The following ARK2C variants were observed in gnomAD, a reference collection of about 807,000 sequenced individuals.
ARK2C encodes E3 ubiquitin-protein ligase ARK2C.
chr18:46,351,312 G>T, the ARK2C span, among the ~76,000 whole-genome samples: 1 of 152,222 alleles, frequency 6.6e-6, no homozygotes, highest in African/African-American at 2.4e-5. Context: ...AGGGCTGGGG[G>T]CAGGGATGGG....
chr18:46,456,181 G>A, the ARK2C span: 116 of 751,386 alleles, frequency 1.5e-4, no homozygotes, highest in African/African-American at 1.8e-3. Context: ...GTTTGCTTGT[G>A]CACGTATGTG....
At chr18:46,420,334 C>T in the ARK2C span, among the ~76,000 whole-genome samples, 1 of 152,190 alleles carries the variant, frequency 6.6e-6, no homozygotes, top group African/African-American at 2.4e-5. Context: ...TCAGACGAAA[C>T]AATTCTCCCA....
the ARK2C span, chr18:46,433,522 G>GCGGA: frequency 8.9e-6 from 14 of 1,579,132 alleles, no homozygotes; most frequent in Middle Eastern, 1.8e-4. Context: ...GCTGCCTGGG[G>GCGGA]CGGAGGTGGG....
At chr18:46,344,617 G>A in the ARK2C span, among the ~76,000 whole-genome samples, 2 of 152,286 alleles carry the variant, frequency 1.3e-5, no homozygotes, top group South Asian at 2.1e-4. Context: ...AGGGGACCTC[G>A]GCATCCACAG....
the ARK2C span, among the ~76,000 whole-genome samples, chr18:46,393,898 C>T: frequency 1.3e-4 from 20 of 152,244 alleles, no homozygotes; most frequent in Non-Finnish European, 2.6e-4. Flanking sequence ...CTTAATCCTT[C>T]TGAATATTAG....
chr18:46,455,388 T>A, the ARK2C span, among the ~76,000 whole-genome samples: 1 of 152,144 alleles, frequency 6.6e-6, no homozygotes, highest in Non-Finnish European at 1.5e-5. Context: ...TGCACAGTCA[T>A]AGCTTTGCAA....
the ARK2C span, among the ~76,000 whole-genome samples, chr18:46,363,297 C>T: frequency 6.6e-6 from 1 of 152,206 alleles, no homozygotes; most frequent in Non-Finnish European, 1.5e-5. Context: ...CCTTTGGCTG[C>T]AGAGGAAGCA....
chr18:46,429,360 A>C, the ARK2C span, among the ~76,000 whole-genome samples: 1 of 152,208 alleles, frequency 6.6e-6, no homozygotes, highest in Non-Finnish European at 1.5e-5. Context: ...TCCACACCAG[A>C]GGCAAAATCC....
the ARK2C span, chr18:46,334,266 G>A: frequency 2.0e-6 from 3 of 1,495,538 alleles, no homozygotes; most frequent in South Asian, 2.6e-5. The surrounding 1 kb of genome is among the most constrained non-coding windows in gnomAD (Gnocchi z 4.4). Flanking sequence ...CGCCGCGCGA[G>A]GAGCCAGGAT....
At chr18:46,373,920 C>T in the ARK2C span, among the ~76,000 whole-genome samples, 1 of 152,082 alleles carries the variant, frequency 6.6e-6, no homozygotes, top group South Asian at 2.1e-4. Flanking sequence ...GCCTGTTTTC[C>T]CAGAAGCAGA....
chr18:46,356,749 G>A, the ARK2C span, among the ~76,000 whole-genome samples: 7 of 152,248 alleles, frequency 4.6e-5, no homozygotes, highest in South Asian at 2.1e-4. Flanking sequence ...TTCTGATGGC[G>A]TTGTCATCTG....
the ARK2C span, among the ~76,000 whole-genome samples, chr18:46,374,641 C>G: frequency 6.6e-6 from 1 of 152,004 alleles, no homozygotes; most frequent in East Asian, 1.9e-4. Context: ...TGCTCTAATT[C>G]TTTGGTTTTT....
At chr18:46,445,532 T>A in the ARK2C span, among the ~76,000 whole-genome samples, 1 of 152,342 alleles carries the variant, frequency 6.6e-6, no homozygotes, top group African/African-American at 2.4e-5. Context: ...TGCAGATTTC[T>A]GGAGCCCTCC....
chr18:46,340,127 T>C, the ARK2C span, among the ~76,000 whole-genome samples: 4 of 152,246 alleles, frequency 2.6e-5, no homozygotes, highest in Non-Finnish European at 4.4e-5. Flanking sequence ...AGTTTCTCTA[T>C]GGATCTAAAC....
At chr18:46,345,331 G>A in the ARK2C span, among the ~76,000 whole-genome samples, 1 of 152,224 alleles carries the variant, frequency 6.6e-6, no homozygotes, top group Non-Finnish European at 1.5e-5. Context: ...GGCAGGTGCG[G>A]TGGGAGTGTT....
the ARK2C span, among the ~76,000 whole-genome samples, chr18:46,451,990 T>G: frequency 6.6e-6 from 1 of 151,954 alleles, no homozygotes; most frequent in Admixed American, 6.6e-5. Context: ...TGGTTGCCAG[T>G]GGGGAGGGAG....
chr18:46,345,743 A>C, the ARK2C span, among the ~76,000 whole-genome samples: 1 of 152,172 alleles, frequency 6.6e-6, no homozygotes, highest in Non-Finnish European at 1.5e-5. Context: ...ATTTTACATA[A>C]ACCTTTGAAT....
At chr18:46,413,523 C>T in the ARK2C span, among the ~76,000 whole-genome samples, 10,903 of 152,062 alleles carry the variant, frequency 0.072, 549 homozygotes, top group Non-Finnish European at 0.11. Context: ...ACCTGGACTA[C>T]GGGATAGCAA....
At chr18:46,344,958 C>T in the ARK2C span, among the ~76,000 whole-genome samples, 1 of 152,206 alleles carries the variant, frequency 6.6e-6, no homozygotes, top group Non-Finnish European at 1.5e-5. Flanking sequence ...GGGCTCATGT[C>T]CCTCAGGACG....
Sources: gnomAD v4.1 joint callset for allele counts (sites outside exome capture counted in the v4.1 genomes callset) on GRCh38, gnomAD v4.1.1 for gene constraint, Gnocchi (gnomAD v3.1) non-coding constraint, MANE v1.5 for transcripts, NCBI Gene and HGNC (gene_info 2026-07-23, HGNC 2026-07-21) for gene names.